Variants in ZNF721 observed in about 807,000 individuals in gnomAD.
The protein encoded by ZNF721 is zinc finger protein 721.
Under a neutral mutation model 2.4 loss-of-function variants are expected in ZNF721, and 2 were observed. That is an observed-to-expected ratio of 0.82 (90% CI 0.34 to 2.58). The LOEUF (loss-of-function observed/expected upper bound fraction) is 2.58. Ranked by LOEUF, ZNF721 falls within the 30% of genes most tolerant of loss-of-function variation. ZNF721 has a pLI of 0.11. For synonymous variants in ZNF721, 398 were observed against 381.8 expected (o/e 1.04, Z -0.50); for missense variants, 1,187 against 1,085.5 (o/e 1.09, Z -1.31).
chr4:467,862 C>T (rs932899187), intron 2 of ZNF721, among the ~76,000 whole-genome samples: 10 of 152,250 alleles, frequency 6.6e-5, no homozygotes, highest in African/African-American at 1.4e-4. Flanking sequence ...AGGGGCTGGG[C>T]GCGGTGGCTC....
intron 2 of ZNF721, among the ~76,000 whole-genome samples, chr4:467,827 A>C (rs782426746): frequency 6.6e-6 from 1 of 152,224 alleles, no homozygotes; most frequent in Non-Finnish European, 1.5e-5. Context: ...AGAGGCCCAC[A>C]GAGAGACCTA....
At chr4:469,830 GTCT>G (rs1715375494) in intron 2 of ZNF721, among the ~76,000 whole-genome samples, 1 of 152,174 alleles carries the variant, frequency 6.6e-6, no homozygotes, top group African/African-American at 2.4e-5. Flanking sequence ...AGAAATTATA[GTCT>G]TGTCAATACA....
chr4:498,857 T>C (rs1317145501), intron 1 of ZNF721, among the ~76,000 whole-genome samples, 199 bp downstream of exon 1: 1 of 151,918 alleles, frequency 6.6e-6, no homozygotes, highest in Non-Finnish European at 1.5e-5. Flanking sequence ...CCCGAGTAGC[T>C]GGGACGACAG....
At chr4:464,478 A>C (rs1715176402) in intron 2 of ZNF721, among the ~76,000 whole-genome samples, 1 of 151,884 alleles carries the variant, frequency 6.6e-6, no homozygotes, top group South Asian at 2.1e-4. Flanking sequence ...CAAAAAAAAA[A>C]AAAAAAAAAA....
intron 1 of ZNF721, among the ~76,000 whole-genome samples, chr4:478,967 T>G (rs1243686791): frequency 1.3e-5 from 2 of 152,144 alleles, no homozygotes; most frequent in Non-Finnish European, 2.9e-5. Flanking sequence ...AGACAGGGTT[T>G]CACCGTGTTG....
intron 2 of ZNF721, among the ~76,000 whole-genome samples, chr4:447,220 G>A (rs1482412621): frequency 6.6e-6 from 1 of 152,018 alleles, no homozygotes; most frequent in Non-Finnish European, 1.5e-5. Context: ...TACTGGGGAG[G>A]CTGAGGAAGG....
intron 2 of ZNF721, among the ~76,000 whole-genome samples, chr4:448,721 T>C (rs756585557): frequency 6.6e-6 from 1 of 152,110 alleles, no homozygotes; most frequent in Non-Finnish European, 1.5e-5. Flanking sequence ...TTAAAATAAT[T>C]TGGGATAGAT....
chr4:443,253 G>GT lies in ZNF721; in HGVS notation c.1213dup (p.Thr405AsnfsTer4), dbSNP rs1714335943. 4 of 1,613,134 alleles carry GT rather than the reference G, an allele frequency of 2.5e-6. No homozygotes were observed. Among genetic ancestry groups the GT allele is most frequent in the Admixed American group, 1.7e-5 (1 of 59,938 alleles). On this transcript the variant is annotated frameshift_variant, in exon 3 of 3. Coordinates refer to ENST00000511833, the MANE Select transcript of ZNF721 (RefSeq NM_133474.4). LOFTEE classifies it low-confidence loss of function (END_TRUNC). Reference sequence around the variant, plus strand: ...TCTGGTGTGAATTCTCTTATGTGCAGTAAGGTTTGTTGAACTATTAAAGGC... The same window carrying GT: ...TCTGGTGTGAATTCTCTTATGTGCAGTTAAGGTTTGTTGAACTATTAAAGGC...
chr4:441,632 C>T lies in ZNF721; in HGVS notation c.*63G>A. The T allele has an allele frequency of 7.3e-7, 1 of 1,367,134 alleles. No homozygotes were observed. The highest frequency in any genetic ancestry group is 1.5e-5 in the African/African-American group (1 of 68,502). The allele number at this position is 1,367,134 out of a possible 1,614,324, so 84.7% of individuals were successfully genotyped here. On this transcript the variant is annotated 3_prime_UTR_variant, in exon 3 of 3. Transcript: ENST00000511833. ...TTCGTCACCTTCGTAAGACATTCCC[C>T]TGGTATGAGTTCTCTTATGTTTAAG...
chr4:445,385 C>G (rs1714439436), intron 2 of ZNF721, among the ~76,000 whole-genome samples: 1 of 152,114 alleles, frequency 6.6e-6, no homozygotes, highest in South Asian at 2.1e-4. Flanking sequence ...ATGACAGGTT[C>G]CCATAATCTC....
chr4:443,280 T>C lies in ZNF721; in HGVS notation c.1187A>G (p.Lys396Arg). ...EKPYKCEECG[K>R]AFNSSTNLTA... ...AAGGTTTGTTGAACTATTAAAGGCT[T>C]TGCCACACTCTTCACATTTGTAAGG... is the stretch of plus-strand genomic sequence containing the variant. Residue 396 changes from lysine (K) to arginine (R), a missense_variant, in exon 3 of 3, where the codon AAA becomes AGA. Transcript: ENST00000511833. The C allele has an allele frequency of 6.2e-7, 1 of 1,614,072 alleles. No individual in the cohort carries two copies. The highest frequency in any genetic ancestry group is 8.5e-7 in the Non-Finnish European group (1 of 1,180,002).
chr4:472,218 G>A (rs1467838323), intron 2 of ZNF721, among the ~76,000 whole-genome samples: 1 of 152,088 alleles, frequency 6.6e-6, no homozygotes, highest in African/African-American at 2.4e-5. Context: ...CTGCCACCAT[G>A]CCCAGCTAGT....
At chr4:474,011 C>T in intron 1 of ZNF721, 1 of 1,503,734 alleles carries the variant, frequency 6.7e-7, no homozygotes, top group African/African-American at 1.4e-5. Flanking sequence ...GTCGCGAAGT[C>T]TTAGCTACGA....
At chr4:477,537 G>T (rs1715664245) in intron 1 of ZNF721, among the ~76,000 whole-genome samples, 1 of 151,852 alleles carries the variant, frequency 6.6e-6, no homozygotes, top group Admixed American at 6.6e-5. Context: ...CGTGCCCGGC[G>T]CATTAATGAG....
chr4:454,865 T>C (rs1195608150), intron 2 of ZNF721, among the ~76,000 whole-genome samples: 3 of 152,190 alleles, frequency 2.0e-5, no homozygotes, highest in Non-Finnish European at 2.9e-5. Context: ...TTGAAAACAA[T>C]AGACAATTGC....
chr4:494,125 C>T (rs782358589), intron 1 of ZNF721, among the ~76,000 whole-genome samples: 1 of 151,310 alleles, frequency 6.6e-6, no homozygotes, highest in African/African-American at 2.4e-5. Flanking sequence ...AGTAGTGAAA[C>T]ACTATATAGA....
chr4:473,694 C>G (rs1202590864), intron 1 of ZNF721, among the ~76,000 whole-genome samples: 31 of 152,192 alleles, frequency 2.0e-4, no homozygotes, highest in Admixed American at 2.0e-3. Flanking sequence ...GCGGTACCTG[C>G]GCACGCCGCA....
intron 2 of ZNF721, among the ~76,000 whole-genome samples, chr4:471,967 G>A (rs1289785288): frequency 6.6e-6 from 1 of 152,144 alleles, no homozygotes; most frequent in African/African-American, 2.4e-5. Context: ...GTTCAAAACA[G>A]GTTCTTGAAA....
intron 2 of ZNF721, 77 bp from the exon 3 acceptor site, chr4:444,509 C>A: frequency 3.7e-6 from 5 of 1,360,532 alleles, no homozygotes; most frequent in East Asian, 4.7e-5. Context: ...TAAGATTATA[C>A]AAAGTACGCT....
Sources: gnomAD v4.1 joint callset for allele counts (sites outside exome capture counted in the v4.1 genomes callset) on GRCh38, gnomAD v4.1.1 for gene constraint, MANE v1.5 for transcripts, NCBI Gene and HGNC (gene_info 2026-07-23, HGNC 2026-07-21) for gene names.